Variants in TMEM150C observed in about 807,000 individuals in gnomAD.
TMEM150C encodes tentonin 3.
In TMEM150C, 10 loss-of-function variants were observed where a neutral mutation model predicts 29.9. The ratio of observed to expected loss-of-function variants is 0.33; its 90% confidence interval spans 0.21 to 0.57. TMEM150C has a LOEUF of 0.57. TMEM150C is among the 20% of genes least tolerant of loss of function. TMEM150C has a pLI of 0.88. For missense variants in TMEM150C, 251 were observed against 303.6 expected (o/e 0.83, Z 1.29); for synonymous variants, 101 against 112.5 (o/e 0.90, Z 0.64).
chr4:82,529,110 C>T (rs1724750991), intron 1 of TMEM150C, among the ~76,000 whole-genome samples: 1 of 151,950 alleles, frequency 6.6e-6, no homozygotes, highest in Non-Finnish European at 1.5e-5. Flanking sequence ...GGGAGGAGAG[C>T]ACAGAGCACA....
intron 1 of TMEM150C, among the ~76,000 whole-genome samples, chr4:82,547,731 G>A (rs1194850150): frequency 2.6e-5 from 4 of 152,208 alleles, no homozygotes. Flanking sequence ...GCAGAGAAAA[G>A]GGAATGCTTA....
At chr4:82,543,894 C>G (rs1458540031) in intron 1 of TMEM150C, among the ~76,000 whole-genome samples, 2 of 152,182 alleles carry the variant, frequency 1.3e-5, no homozygotes, top group Non-Finnish European at 2.9e-5. Flanking sequence ...TTTCATTTTT[C>G]CTTCTGTCCC....
chr4:82,492,570 G>A (rs1292354803), intron 6 of TMEM150C, among the ~76,000 whole-genome samples: 1 of 151,824 alleles, frequency 6.6e-6, no homozygotes, highest in Non-Finnish European at 1.5e-5. Flanking sequence ...CTTTTATAGA[G>A]GACTCCCATT....
At chr4:82,493,637 T>G (rs1241036220) in intron 6 of TMEM150C, among the ~76,000 whole-genome samples, 1 of 152,200 alleles carries the variant, frequency 6.6e-6, no homozygotes, top group East Asian at 1.9e-4. Context: ...TGTGTTCTTC[T>G]TAGTAACTCA....
intron 1 of TMEM150C, among the ~76,000 whole-genome samples, chr4:82,537,280 C>T (rs11946703): frequency 0.17 from 26,616 of 152,142 alleles, 3,786 homozygotes; most frequent in African/African-American, 0.39. Context: ...CCACCGCGTC[C>T]GGCCCAACTT....
intron 1 of TMEM150C, among the ~76,000 whole-genome samples, chr4:82,544,288 C>T (rs1725286268): frequency 6.6e-6 from 1 of 152,116 alleles, no homozygotes; most frequent in African/African-American, 2.4e-5. Context: ...TAGAGGCCTC[C>T]TTTGCTGTTA....
chr4:82,554,888 T>C (rs1725692600), intron 1 of TMEM150C, among the ~76,000 whole-genome samples: 1 of 152,208 alleles, frequency 6.6e-6, no homozygotes, highest in Non-Finnish European at 1.5e-5. Flanking sequence ...TCTGGATCAC[T>C]GTCCTCAGAG....
chr4:82,488,470 G>A (rs1011057927), intron 7 of TMEM150C, among the ~76,000 whole-genome samples: 3 of 152,170 alleles, frequency 2.0e-5, no homozygotes, highest in African/African-American at 7.2e-5. Flanking sequence ...TGCCTAGCAC[G>A]CTGTCTAAAA....
At chr4:82,545,363 T>C (rs537512282) in intron 1 of TMEM150C, among the ~76,000 whole-genome samples, 1 of 152,156 alleles carries the variant, frequency 6.6e-6, no homozygotes, top group Non-Finnish European at 1.5e-5. Flanking sequence ...ATGATAAAAA[T>C]AAAGAAGCTA....
At chr4:82,549,455 G>A (rs965590932) in intron 1 of TMEM150C, among the ~76,000 whole-genome samples, 1 of 152,164 alleles carries the variant, frequency 6.6e-6, no homozygotes, top group Admixed American at 6.6e-5. Context: ...GTTGTCAGGG[G>A]CTAGGGGTAG....
At chr4:82,491,203 TA>T in intron 6 of TMEM150C, 2 of 693,332 alleles carry the variant, frequency 2.9e-6, no homozygotes, top group South Asian at 3.0e-5. Context: ...GTGACAGTGT[TA>T]ACTCCTACTC....
intron 1 of TMEM150C, among the ~76,000 whole-genome samples, chr4:82,541,702 C>T (rs1360202534): frequency 6.6e-6 from 1 of 152,130 alleles, no homozygotes; most frequent in Non-Finnish European, 1.5e-5. Flanking sequence ...TGAATTCCCA[C>T]TATGTACTTA....
chr4:82,521,724 T>C (rs897829476), intron 1 of TMEM150C, among the ~76,000 whole-genome samples: 1 of 152,154 alleles, frequency 6.6e-6, no homozygotes, highest in African/African-American at 2.4e-5. Flanking sequence ...GCAGAGGGGA[T>C]GACACACAGG....
At chr4:82,559,457 A>G (rs2110096629) in intron 1 of TMEM150C, among the ~76,000 whole-genome samples, 1 of 152,080 alleles carries the variant, frequency 6.6e-6, no homozygotes, top group Admixed American at 6.5e-5. Context: ...TGGGAGACTG[A>G]GGCAGGAGAA....
At chr4:82,511,058 C>T (rs1724107325) in intron 1 of TMEM150C, among the ~76,000 whole-genome samples, 1 of 152,188 alleles carries the variant, frequency 6.6e-6, no homozygotes. Context: ...AAATGTCACA[C>T]TTGTTCTGCT....
chr4:82,513,738 C>T (rs1020400485), intron 1 of TMEM150C, among the ~76,000 whole-genome samples: 4 of 152,164 alleles, frequency 2.6e-5, no homozygotes, highest in African/African-American at 7.2e-5. Context: ...CAGCAAGAGA[C>T]TGGAGATGAA....
chr4:82,511,145 GA>G (rs931676756), intron 1 of TMEM150C, among the ~76,000 whole-genome samples: 29 of 152,280 alleles, frequency 1.9e-4, no homozygotes, highest in African/African-American at 6.7e-4. Context: ...GTCACTTTAA[GA>G]GTATATGACT....
intron 1 of TMEM150C, among the ~76,000 whole-genome samples, chr4:82,531,786 G>A (rs931648646): frequency 4.0e-5 from 6 of 148,398 alleles, no homozygotes; most frequent in Non-Finnish European, 7.4e-5. Context: ...AAAGGTCATG[G>A]AAATAGAGGA....
upstream of TMEM150C, chr4:82,562,067 C>T (rs976386438): frequency 8.6e-7 from 1 of 1,160,636 alleles, no homozygotes; most frequent in South Asian, 1.6e-5. Flanking sequence ...GGCCCGCCCC[C>T]GACTTATTCT....
Sources: allele counts gnomAD v4.1 joint callset (sites outside exome capture counted in the v4.1 genomes callset), GRCh38; gene constraint gnomAD v4.1.1; transcripts MANE v1.5; gene names NCBI Gene and HGNC (gene_info 2026-07-23, HGNC 2026-07-21).